MIR2052HG: variants seen among roughly 807,000 people sequenced by gnomAD.
MIR2052HG encodes the protein MIR2052 host gene.
At chr8:74,687,951 C>T (rs2128739643) in intron 2 of MIR2052HG, among the ~76,000 whole-genome samples, 2 of 152,232 alleles carry the variant, frequency 1.3e-5, no homozygotes, top group Non-Finnish European at 2.9e-5. Context: ...TCAAATTATA[C>T]ACATCAAATG....
At chr8:74,750,153 AC>A (rs1809929417) in intron 4 of MIR2052HG, among the ~76,000 whole-genome samples, 1 of 152,240 alleles carries the variant, frequency 6.6e-6, no homozygotes, top group African/African-American at 2.4e-5. Flanking sequence ...AAGCAATATC[AC>A]AAATTACTGT....
intron 2 of MIR2052HG, among the ~76,000 whole-genome samples, chr8:74,634,884 A>G (rs1354397315): frequency 6.6e-6 from 1 of 152,070 alleles, no homozygotes; most frequent in Non-Finnish European, 1.5e-5. Flanking sequence ...TGATTAATTG[A>G]TCCACTCTTT....
chr8:74,670,669 A>G (rs1158370564), intron 2 of MIR2052HG, among the ~76,000 whole-genome samples: 1 of 152,178 alleles, frequency 6.6e-6, no homozygotes, highest in East Asian at 1.9e-4. Flanking sequence ...TAGTATTCAT[A>G]TAAGCTAAAG....
At chr8:74,700,843 G>T (rs1330534735) in intron 2 of MIR2052HG, among the ~76,000 whole-genome samples, 1 of 151,980 alleles carries the variant, frequency 6.6e-6, no homozygotes, top group Non-Finnish European at 1.5e-5. Context: ...CCAAAGCAAA[G>T]TGATTATTAA....
intron 4 of MIR2052HG, among the ~76,000 whole-genome samples, chr8:74,744,301 T>TGG (rs75554600): frequency 6.6e-6 from 1 of 151,344 alleles, no homozygotes; most frequent in Non-Finnish European, 1.5e-5. Flanking sequence ...TTTTTAGAGA[T>TGG]GGGGTCTCAC....
intron 1 of MIR2052HG, among the ~76,000 whole-genome samples, chr8:74,602,969 C>G (rs934110471): frequency 2.7e-5 from 4 of 148,254 alleles, no homozygotes; most frequent in African/African-American, 7.5e-5. Flanking sequence ...TATTAATATT[C>G]CATTCTTAAC....
chr8:74,630,527 T>TG (rs1554572479), intron 2 of MIR2052HG, among the ~76,000 whole-genome samples: 2 of 37,160 alleles, frequency 5.4e-5, no homozygotes, highest in African/African-American at 1.5e-4. Context: ...AAGATTTCTC[T>TG]GAAAAAAAAA....
At chr8:74,602,817 G>GTTTCTTTCTTTCTTTCTTTC (rs58455200) in intron 1 of MIR2052HG, among the ~76,000 whole-genome samples, 4,763 of 73,690 alleles carry the variant, frequency 0.065, 633 homozygotes, top group African/African-American at 0.097. Context: ...GCCCGGCCGT[G>GTTTCTTTCTTTCTTTCTTTC]TTTCTTTCTT....
chr8:74,601,400 C>T (rs1807998824), intron 1 of MIR2052HG, among the ~76,000 whole-genome samples: 1 of 152,104 alleles, frequency 6.6e-6, no homozygotes, highest in Admixed American at 6.5e-5. Flanking sequence ...GAGTGGCATA[C>T]ATTTTCCTGT....
chr8:74,614,361 T>C lies in MIR2052HG; in HGVS notation n.216+1421T>C, dbSNP rs982310635. Among the ~76,000 whole-genome samples, 21 of 152,342 alleles carry C rather than the reference T, an allele frequency of 1.4e-4. 1 individual carries two copies. Among genetic ancestry groups the C allele is most frequent in the African/African-American group, 4.3e-4 (18 of 41,584 alleles). On this transcript the variant is annotated intron_variant and non_coding_transcript_variant, in intron 2 of 6. Transcript: ENST00000523442. ...CTCTGCATTCAGAATCATTATCTTC[T>C]ACCTGTTCTCTAAGACAGTGATTTG...
chr8:74,729,192 A>T (rs1182345636), intron 4 of MIR2052HG, among the ~76,000 whole-genome samples: 1 of 152,188 alleles, frequency 6.6e-6, no homozygotes, highest in Non-Finnish European at 1.5e-5. Flanking sequence ...AGAAACTTCA[A>T]CAGCTAAGCT....
At chr8:74,729,450 CCTT>C (rs1381870203) in intron 4 of MIR2052HG, among the ~76,000 whole-genome samples, 6 of 152,110 alleles carry the variant, frequency 3.9e-5, no homozygotes, top group African/African-American at 1.4e-4. Context: ...AGCTGTAAGA[CCTT>C]CTCCTGTTTA....
intron 4 of MIR2052HG, among the ~76,000 whole-genome samples, chr8:74,743,704 C>G (rs1337213116): frequency 1.3e-5 from 2 of 152,272 alleles, no homozygotes; most frequent in Admixed American, 1.3e-4. Flanking sequence ...ACATTTATAC[C>G]ACCTGGGTGG....
intron 4 of MIR2052HG, among the ~76,000 whole-genome samples, chr8:74,721,930 T>C (rs896606519): frequency 1.3e-5 from 2 of 152,220 alleles, no homozygotes; most frequent in Admixed American, 6.5e-5. Context: ...TAGTGGCTCA[T>C]GCCTCAAATC....
At chr8:74,683,474 G>A (rs1047774179) in intron 2 of MIR2052HG, among the ~76,000 whole-genome samples, 1 of 152,074 alleles carries the variant, frequency 6.6e-6, no homozygotes, top group Non-Finnish European at 1.5e-5. Context: ...AGTAGCAACA[G>A]GAGAATTACA....
chr8:74,703,524 A>G (rs1285010260), intron 3 of MIR2052HG: 1 of 370,536 alleles, frequency 2.7e-6, no homozygotes, highest in African/African-American at 2.1e-5. Flanking sequence ...TAGGGCAATC[A>G]GGAGATAAAT....
At chr8:74,730,429 A>G (rs936684742) in intron 4 of MIR2052HG, among the ~76,000 whole-genome samples, 13 of 152,234 alleles carry the variant, frequency 8.5e-5, no homozygotes, top group African/African-American at 3.1e-4. Context: ...TAAGAAAAAG[A>G]ACATAGTACG....
intron 2 of MIR2052HG, among the ~76,000 whole-genome samples, chr8:74,640,488 AAG>A (rs1491023232): frequency 2.7e-5 from 4 of 147,692 alleles, no homozygotes; most frequent in African/African-American, 7.5e-5. Flanking sequence ...AAAAAAAAAA[AAG>A]AGTGGGCGCT....
At chr8:74,727,172 TA>T (rs1809645666) in intron 4 of MIR2052HG, among the ~76,000 whole-genome samples, 1 of 152,230 alleles carries the variant, frequency 6.6e-6, no homozygotes, top group Non-Finnish European at 1.5e-5. Context: ...ACTTAAATTT[TA>T]AGTTAAAATC....
Sources: allele counts gnomAD v4.1 joint callset (sites outside exome capture counted in the v4.1 genomes callset), GRCh38; gene constraint gnomAD v4.1.1; transcripts MANE v1.5; gene names NCBI Gene and HGNC (gene_info 2026-07-23, HGNC 2026-07-21).